Variants in ALK observed in about 807,000 individuals in gnomAD.
The protein encoded by ALK is ALK receptor tyrosine kinase, also known as ALK tyrosine kinase receptor.
In ALK, 74 loss-of-function variants were observed where a neutral mutation model predicts 163.1. That is an observed-to-expected ratio of 0.45 (90% CI 0.38 to 0.55). ALK has a LOEUF of 0.55. ALK is among the 20% of genes least tolerant of loss of function. The pLI, the probability that ALK is intolerant of heterozygous loss-of-function variation, is 0.00. For synonymous variants in ALK, 960 were observed against 843.2 expected, an observed-to-expected ratio of 1.14 and a Z score of -2.40; for missense variants, 2,063 against 2,105.3, an observed-to-expected ratio of 0.98 and a Z score of 0.39.
chr2:29,845,088 A>G (rs935126915), intron 1 of ALK, among the ~76,000 whole-genome samples: 2 of 152,182 alleles, frequency 1.3e-5, no homozygotes, highest in African/African-American at 2.4e-5. Flanking sequence ...TCCTGTCTCC[A>G]GGCACTCCCT....
chr2:29,458,037 A>G (rs570055564), intron 4 of ALK, among the ~76,000 whole-genome samples: 2 of 152,290 alleles, frequency 1.3e-5, no homozygotes, highest in African/African-American at 4.8e-5. Flanking sequence ...CTTATAGGAA[A>G]AAAAGACTCT....
chr2:29,252,823 G>A (rs1664854515), intron 11 of ALK, among the ~76,000 whole-genome samples: 1 of 150,642 alleles, frequency 6.6e-6, no homozygotes, highest in Non-Finnish European at 1.5e-5. Context: ...TTAGTTTCCT[G>A]ATTTTTTATT....
chr2:29,620,062 G>A (rs1035936855), intron 3 of ALK, among the ~76,000 whole-genome samples: 19 of 152,190 alleles, frequency 1.2e-4, no homozygotes, highest in African/African-American at 3.6e-4. Context: ...GACCCCTTTC[G>A]TAATGCCTCA....
chr2:29,467,041 C>G (rs1394957240), intron 4 of ALK, among the ~76,000 whole-genome samples: 1 of 152,098 alleles, frequency 6.6e-6, no homozygotes, highest in Non-Finnish European at 1.5e-5. Context: ...AATTTCACCC[C>G]TCCTCCCCTT....
chr2:29,300,163 A>T (rs1230963523), intron 8 of ALK, among the ~76,000 whole-genome samples: 1 of 152,128 alleles, frequency 6.6e-6, no homozygotes, highest in African/African-American at 2.4e-5. Context: ...CTTGCCTAAG[A>T]GGGAGGTAAA....
intron 8 of ALK, among the ~76,000 whole-genome samples, chr2:29,306,291 C>T (rs1666507499): frequency 6.6e-6 from 1 of 152,230 alleles, no homozygotes; most frequent in South Asian, 2.1e-4. Context: ...GTCAGTCACC[C>T]CTGGGCACTA....
chr2:29,347,381 G>A (rs1414609577), intron 5 of ALK, among the ~76,000 whole-genome samples: 2 of 152,174 alleles, frequency 1.3e-5, no homozygotes, highest in African/African-American at 4.8e-5. Flanking sequence ...TCATTTCCAT[G>A]AGCACTTGGA....
intron 5 of ALK, among the ~76,000 whole-genome samples, chr2:29,339,106 G>A (rs1163460379): frequency 1.3e-5 from 2 of 152,172 alleles, no homozygotes; most frequent in African/African-American, 4.8e-5. Flanking sequence ...AGCCAGATGT[G>A]GTGGCATGTA....
rs571017977 is a variant in ALK at position 29,232,384 on chromosome 2, G to T, written c.2552C>A (p.Ala851Asp). 1.9e-6 allele frequency: 3 copies of T among 1,614,240 alleles called. No homozygotes were observed. The highest frequency in any genetic ancestry group is 2.5e-6 in the Non-Finnish European group (3 of 1,180,044). Residue 851 changes from alanine (A) to aspartate (D), a missense_variant, in exon 15 of 29, where the codon GCC becomes GAC. Around this residue, in one of 5 missense-constraint regions of ALK, gnomAD observed 575 missense variants for 626.6 expected, o/e 0.92. Transcript: ENST00000389048. ...AAGGGGRAYG[A>D]KTDTFHPERL... ...CTCTGGGTGGAACGTGTCTGTCTTG[G>T]CCCCGTAGGCCCTGCCACCACCTCC...
chr2:29,678,778 A>C lies in ALK; in HGVS notation c.952+16072T>G, dbSNP rs377413077. ...TTTATACTTGTATAATTTTATATAA[A>C]TTAATGACTTTCTTTATGGCCTGGC... On this transcript the variant is annotated intron_variant, in intron 3 of 28. Coordinates refer to ENST00000389048, the MANE Select transcript of ALK (RefSeq NM_004304.5). Among the ~76,000 whole-genome samples the C allele has an allele frequency of 4.0e-5, 6 of 151,674 alleles. 1 individual carries two copies. In the East Asian group the frequency reaches 9.6e-4, roughly 24 times the overall value.
At chr2:29,587,951 C>G (rs1161481848) in intron 3 of ALK, among the ~76,000 whole-genome samples, 2 of 152,190 alleles carry the variant, frequency 1.3e-5, no homozygotes, top group Admixed American at 1.3e-4. Flanking sequence ...TAACCCTCCT[C>G]TTGGTTCTTG....
chr2:29,516,407 C>T (rs1165108678), intron 4 of ALK, among the ~76,000 whole-genome samples: 1 of 152,200 alleles, frequency 6.6e-6, no homozygotes, highest in African/African-American at 2.4e-5. Flanking sequence ...CCTCCCAGGT[C>T]CTAGTGGTAG....
chr2:29,274,530 C>A (rs951449396), intron 11 of ALK, among the ~76,000 whole-genome samples: 4 of 152,240 alleles, frequency 2.6e-5, no homozygotes, highest in Admixed American at 6.5e-5. Flanking sequence ...GGAGAAGTCA[C>A]ACCTGTGGTT....
intron 4 of ALK, among the ~76,000 whole-genome samples, chr2:29,454,244 G>A (rs1356947224): frequency 6.6e-6 from 1 of 152,140 alleles, no homozygotes; most frequent in East Asian, 1.9e-4. Context: ...CTGGGGGATT[G>A]GTTCCAGGAC....
chr2:29,514,961 G>T (rs929119439), intron 4 of ALK, among the ~76,000 whole-genome samples: 13 of 152,186 alleles, frequency 8.5e-5, no homozygotes, highest in African/African-American at 3.1e-4. Flanking sequence ...TGGCTTTGAA[G>T]ATAAGGATTA....
chr2:29,551,827 T>TA (rs570115515), intron 3 of ALK, among the ~76,000 whole-genome samples: 18 of 151,228 alleles, frequency 1.2e-4, no homozygotes, highest in South Asian at 2.1e-4. Flanking sequence ...ACCTGCTACT[T>TA]AAAAAAAAAT....
intron 4 of ALK, among the ~76,000 whole-genome samples, chr2:29,436,914 C>T (rs751459140): frequency 3.3e-5 from 5 of 152,152 alleles, no homozygotes; most frequent in Admixed American, 6.5e-5. Flanking sequence ...AGCACAGGCC[C>T]GAAGATCTGT....
chr2:29,552,463 C>A (rs545279405), intron 3 of ALK, among the ~76,000 whole-genome samples: 5 of 152,256 alleles, frequency 3.3e-5, no homozygotes, highest in African/African-American at 1.2e-4. Flanking sequence ...TACATTCCCA[C>A]GAGCAATACA....
At chr2:29,368,594 T>C (rs1489489850) in intron 5 of ALK, among the ~76,000 whole-genome samples, 1 of 152,206 alleles carries the variant, frequency 6.6e-6, no homozygotes, top group Non-Finnish European at 1.5e-5. Context: ...AGTTTATATG[T>C]CTGATAGGGA....
Sources: allele counts gnomAD v4.1 joint callset (sites outside exome capture counted in the v4.1 genomes callset), GRCh38; gene constraint gnomAD v4.1.1; regional missense constraint gnomAD v4.1.1; transcripts MANE v1.5; gene names NCBI Gene and HGNC (gene_info 2026-07-23, HGNC 2026-07-21).